DZIP1L: variants seen among roughly 807,000 people sequenced by gnomAD.
DZIP1L encodes the protein cilium assembly protein DZIP1L.
DZIP1L carries 90 observed loss-of-function variants against 88.7 expected under a neutral mutation model. That is an observed-to-expected ratio of 1.02 (90% CI 0.86 to 1.21). The LOEUF (loss-of-function observed/expected upper bound fraction) is 1.21, where lower values mean the gene tolerates loss of function less well. Among genes scored for constraint, DZIP1L ranks in the 50% most tolerant of loss-of-function variants. DZIP1L has a pLI of 0.00. For missense variants in DZIP1L, 932 were observed against 955.8 expected (o/e 0.98, Z 0.33); for synonymous variants, 363 against 372.1 (o/e 0.98, Z 0.28).
In DZIP1L at chr3:138,062,022, A is replaced by G. The variant is rs1942736567; in HGVS notation, c.*794T>C. On this transcript the variant is annotated 3_prime_UTR_variant, in exon 16 of 16. Transcript: ENST00000327532. ...CATTGTACTATATTTAAATGTTTGC[A>G]TATAATATATTAATGTTTTTCACAC... 6.5e-6 allele frequency: 1 copy of G among 152,682 alleles called. No homozygotes were observed. The highest frequency in any genetic ancestry group is 6.5e-5 in the Admixed American group (1 of 15,282). 9.5% of individuals were successfully genotyped at this position (152,682 alleles called of 1,614,324 possible).
At chr3:138,087,731 C>G (rs1576469153) in intron 6 of DZIP1L, among the ~76,000 whole-genome samples, 1 of 152,230 alleles carries the variant, frequency 6.6e-6, no homozygotes, top group Non-Finnish European at 1.5e-5. Context: ...GAATCTTGGA[C>G]AGCAGAAAGA....
chr3:138,069,253 G>T, intron 12 of DZIP1L: 2 of 513,878 alleles, frequency 3.9e-6, no homozygotes, highest in Non-Finnish European at 7.0e-6. Flanking sequence ...TCTTCCTTGT[G>T]ATTTTCTTAA....
At chr3:138,088,112 G>T (rs1368099667) in intron 6 of DZIP1L, among the ~76,000 whole-genome samples, 2 of 152,194 alleles carry the variant, frequency 1.3e-5, no homozygotes, top group Non-Finnish European at 2.9e-5. Flanking sequence ...TTCCAACTGG[G>T]TTAGAATCAG....
At chr3:138,112,228 CAGCTACTAAATAATGA>C (rs2042630925) in intron 1 of DZIP1L, 1 of 152,150 alleles carries the variant, frequency 6.6e-6, no homozygotes, top group African/African-American at 2.4e-5. Context: ...CCTGCTCACT[CAGCTACTAAATAATGA>C]AGCCAAGATT....
chr3:138,106,234 G>T (rs554070410), intron 1 of DZIP1L, among the ~76,000 whole-genome samples: 10 of 142,368 alleles, frequency 7.0e-5, no homozygotes, highest in Admixed American at 2.2e-4. Flanking sequence ...CACCTCCCGG[G>T]TTCATGCAAT....
At chr3:138,096,558 C>T (rs1348539291) in intron 3 of DZIP1L, among the ~76,000 whole-genome samples, 1 of 152,132 alleles carries the variant, frequency 6.6e-6, no homozygotes, top group African/African-American at 2.4e-5. Flanking sequence ...AAAACAATGA[C>T]AGAGAATACA....
rs530355753 is a variant in DZIP1L at position 138,087,354 on chromosome 3, G to A, written c.1000-331C>T. 2.0e-5 allele frequency among the ~76,000 whole-genome samples: 3 copies of A among 152,298 alleles called. No homozygotes were observed. The East Asian group carries it at 5.8e-4, about 29-fold the overall frequency. On this transcript the variant is annotated intron_variant, in intron 6 of 15. Coordinates refer to ENST00000327532, the MANE Select transcript of DZIP1L (RefSeq NM_173543.3). ...CAAAAAGTACTAAAAGAAAACACAG[G>A]AATGTTGTCTTTTTAAATCTCAGAG...
At position 138,094,955 on chromosome 3, in the gene DZIP1L, C is replaced by T. The variant is rs2107817146; in HGVS notation, c.615G>A (p.Val205=). 1 of 1,614,262 alleles carries T rather than the reference C, an allele frequency of 6.2e-7. No individual in the cohort carries two copies. The highest frequency in any genetic ancestry group is 1.3e-5 in the African/African-American group (1 of 75,078). The change falls in exon 4 of 16, where the codon GTG becomes GTA. Residue 205 remains valine, a synonymous_variant. Transcript: ENST00000327532. The stretch of plus-strand genomic sequence containing the variant: ...CCCGTAGCTCTTCTAACACCTCTTC[C>T]ACTGGCTGTTCCTGTTTCTTCTGTT... ...GGKQKKQEQP[V]EEVLEELRAK... is the part of the protein sequence containing the mutation.
intron 2 of DZIP1L, among the ~76,000 whole-genome samples, chr3:138,100,310 T>C (rs942595005): frequency 1.3e-5 from 2 of 152,232 alleles, no homozygotes; most frequent in African/African-American, 4.8e-5. Context: ...TGCTAGGAGA[T>C]GTCACACTCA....
chr3:138,063,106 A>T lies in DZIP1L; in HGVS notation c.2143-129T>A. On this transcript the variant is annotated intron_variant, in intron 15 of 15. Transcript: ENST00000327532. This position sits in a 1 kb window ranked among gnomAD's most constrained non-coding sequence, Gnocchi z 4.1. ...AAATGCAGACTGGGAAGAAAGCAAT[A>T]GGGAGATGCTACTCCTCCTGACTTC... 1 of 1,017,116 alleles carries T rather than the reference A, an allele frequency of 9.8e-7. No individual in the cohort carries two copies. Among genetic ancestry groups the T allele is most frequent in the Non-Finnish European group, 1.4e-6 (1 of 698,634 alleles). The allele number at this position is 1,017,116 out of a possible 1,614,324, so 63.0% of individuals were successfully genotyped here. A position where few individuals can be genotyped will look rare whatever the true frequency, so the allele number is the denominator to read the frequency against.
intron 5 of DZIP1L, chr3:138,088,976 C>T: frequency 4.1e-6 from 4 of 985,546 alleles, no homozygotes; most frequent in Non-Finnish European, 4.8e-6. Flanking sequence ...TCATCAATAC[C>T]TAGTGATTCC....
chr3:138,105,811 T>G (rs554046680), intron 1 of DZIP1L, among the ~76,000 whole-genome samples: 4 of 152,186 alleles, frequency 2.6e-5, no homozygotes, highest in Non-Finnish European at 4.4e-5. Flanking sequence ...TATGCTCATT[T>G]ATAATTCATA....
chr3:138,070,218 A>G (rs531224852), intron 12 of DZIP1L, among the ~76,000 whole-genome samples: 4 of 152,236 alleles, frequency 2.6e-5, no homozygotes, highest in Non-Finnish European at 4.4e-5. Context: ...TTCCCAGGTG[A>G]GGTGGAAGGC....
chr3:138,077,074 CACACAGCCACCTGCTGAGTGG>C (rs1005577661), intron 11 of DZIP1L, among the ~76,000 whole-genome samples: 1 of 151,686 alleles, frequency 6.6e-6, no homozygotes, highest in Non-Finnish European at 1.5e-5. Context: ...GTGATGCCCA[CACACAGCCACCTGCTGAGTGG>C]ACACAGCCAC....
At position 138,104,047 on chromosome 3, in the gene DZIP1L, G is replaced by T. The variant is rs1032421195; in HGVS notation, c.-76C>A. On this transcript the variant is annotated 5_prime_UTR_variant, in exon 2 of 16. Transcript: ENST00000327532. ...ACGGCAGTAGGCCAAGGAGCTGAGA[G>T]AAGGCCTGGAAAATAAGAAGAGAGT... 3.3e-6 allele frequency: 5 copies of T among 1,522,200 alleles called. No individual in the cohort carries two copies. The South Asian group carries it at 6.6e-5, about 20-fold the overall frequency. 94.3% of individuals were successfully genotyped at this position (1,522,200 alleles called of 1,614,324 possible). A position where few individuals can be genotyped will look rare whatever the true frequency, so the allele number is the denominator to read the frequency against.
At chr3:138,085,878 C>G (rs1943908482) in intron 7 of DZIP1L, among the ~76,000 whole-genome samples, 2 of 152,104 alleles carry the variant, frequency 1.3e-5, no homozygotes, top group African/African-American at 4.8e-5. Context: ...CAATGATAGA[C>G]TGGATTAAGA....
chr3:138,072,799 G>A (rs1411901945), intron 11 of DZIP1L, among the ~76,000 whole-genome samples: 1 of 152,150 alleles, frequency 6.6e-6, no homozygotes, highest in Non-Finnish European at 1.5e-5. Flanking sequence ...TGGCTGCTTG[G>A]AAATAGACTT....
chr3:138,093,028 A>G (rs1944308032), intron 4 of DZIP1L, among the ~76,000 whole-genome samples: 1 of 152,256 alleles, frequency 6.6e-6, no homozygotes, highest in Admixed American at 6.5e-5. Context: ...AATGGCATCC[A>G]GAATGGCAAA....
chr3:138,074,964 T>C (rs1441463316), intron 11 of DZIP1L, among the ~76,000 whole-genome samples: 1 of 152,138 alleles, frequency 6.6e-6, no homozygotes. Flanking sequence ...AAAAAAAACA[T>C]TCCATGCAAA....
Sources: allele counts gnomAD v4.1 joint callset (sites outside exome capture counted in the v4.1 genomes callset), GRCh38; gene constraint gnomAD v4.1.1; non-coding constraint Gnocchi (gnomAD v3.1); transcripts MANE v1.5; gene names NCBI Gene and HGNC (gene_info 2026-07-23, HGNC 2026-07-21).